The following CSMD1 variants were observed in gnomAD, a reference collection of about 807,000 sequenced individuals.
CSMD1 encodes the protein CUB and Sushi multiple domains 1, also known as CUB and sushi domain-containing protein 1.
Under a neutral mutation model 417.5 loss-of-function variants are expected in CSMD1, and 213 were observed. The ratio of observed to expected loss-of-function variants is 0.51; its 90% CI spans 0.46 to 0.57. CSMD1 has a LOEUF of 0.57. Ranked by LOEUF, CSMD1 falls within the 20% of genes least tolerant of loss-of-function variation. The pLI is 0.00. For synonymous variants in CSMD1, 2,862 were observed against 1,736.8 expected (o/e 1.65, Z -16.11); for missense variants, 6,923 against 4,529.7 (o/e 1.53, Z -15.17).
intron 7 of CSMD1, among the ~76,000 whole-genome samples, chr8:3,653,734 C>G (rs1045731025): frequency 6.6e-6 from 1 of 152,140 alleles, no homozygotes; most frequent in African/African-American, 2.4e-5. Context: ...AGTGAAGGAC[C>G]GGCCACATCG....
chr8:4,159,841 G>A (rs1374424413), intron 3 of CSMD1, among the ~76,000 whole-genome samples: 3 of 152,116 alleles, frequency 2.0e-5, no homozygotes, highest in African/African-American at 4.8e-5. Flanking sequence ...ACTCTGGAAT[G>A]GAAAACTAAA....
At chr8:4,333,231 C>T (rs13268424) in intron 3 of CSMD1, among the ~76,000 whole-genome samples, 66,818 of 151,936 alleles carry the variant, frequency 0.44, 19,105 homozygotes, top group African/African-American at 0.82. Flanking sequence ...CACACCCTGC[C>T]TAGTGACCCT....
At chr8:4,505,301 C>T (rs17415676) in intron 2 of CSMD1, among the ~76,000 whole-genome samples, 80,918 of 151,836 alleles carry the variant, frequency 0.53, 21,665 homozygotes, top group Admixed American at 0.59. Context: ...AAATCACCAA[C>T]GAGGTAAAAG....
intron 50 of CSMD1, among the ~76,000 whole-genome samples, chr8:3,038,816 C>G (rs1810875259): frequency 6.6e-6 from 1 of 152,114 alleles, no homozygotes; most frequent in Non-Finnish European, 1.5e-5. Context: ...ATGAAGACGA[C>G]CTTAAACCTT....
chr8:3,501,061 A>T (rs1796579925), intron 10 of CSMD1, among the ~76,000 whole-genome samples: 1 of 152,232 alleles, frequency 6.6e-6, no homozygotes, highest in Non-Finnish European at 1.5e-5. Context: ...AACAAAATGA[A>T]AAGATTTCCC....
intron 3 of CSMD1, among the ~76,000 whole-genome samples, chr8:4,370,278 C>A (rs1802322439): frequency 6.6e-6 from 1 of 151,806 alleles, no homozygotes. Flanking sequence ...CCCAGTCTTT[C>A]CCAGTTTGTA....
At chr8:3,983,147 T>C (rs1305227051) in intron 5 of CSMD1, among the ~76,000 whole-genome samples, 2 of 150,410 alleles carry the variant, frequency 1.3e-5, no homozygotes, top group Non-Finnish European at 3.0e-5. Flanking sequence ...TTTTTTTTTT[T>C]TGAGACGGAC....
intron 11 of CSMD1, among the ~76,000 whole-genome samples, chr8:3,488,080 C>G (rs944243846): frequency 2.3e-5 from 3 of 128,996 alleles, no homozygotes; most frequent in African/African-American, 9.0e-5. Context: ...TGTTTAGAAA[C>G]TCATAGTATT....
At chr8:4,069,478 A>G (rs1240893026) in intron 3 of CSMD1, among the ~76,000 whole-genome samples, 1 of 152,150 alleles carries the variant, frequency 6.6e-6, no homozygotes, top group African/African-American at 2.4e-5. Flanking sequence ...TATTATCTCT[A>G]GGTAAGTAAA....
At chr8:4,317,516 C>T (rs1020780972) in intron 3 of CSMD1, among the ~76,000 whole-genome samples, 4 of 152,122 alleles carry the variant, frequency 2.6e-5, no homozygotes, top group African/African-American at 9.7e-5. Flanking sequence ...AGGTAAGTGA[C>T]TTTTCTTGGC....
At chr8:4,155,058 G>C (rs756558782) in intron 3 of CSMD1, among the ~76,000 whole-genome samples, 7 of 152,178 alleles carry the variant, frequency 4.6e-5, no homozygotes, top group Non-Finnish European at 1.0e-4. Flanking sequence ...AATTTGTCCT[G>C]TTCCAGGCCC....
chr8:3,520,796 G>A (rs1019589358), intron 10 of CSMD1, among the ~76,000 whole-genome samples: 4 of 151,978 alleles, frequency 2.6e-5, no homozygotes, highest in African/African-American at 9.7e-5. Flanking sequence ...CACCACATCT[G>A]TAGAGGAAAT....
At chr8:3,691,322 G>A (rs532602486) in intron 7 of CSMD1, among the ~76,000 whole-genome samples, 9 of 151,854 alleles carry the variant, frequency 5.9e-5, no homozygotes, top group South Asian at 2.1e-4. Context: ...AGCCGGGATC[G>A]TGCCACTGCA....
At chr8:3,293,913 A>C (rs1477081032) in intron 25 of CSMD1, among the ~76,000 whole-genome samples, 1 of 152,020 alleles carries the variant, frequency 6.6e-6, no homozygotes, top group African/African-American at 2.4e-5. Context: ...TCTGATTTTT[A>C]GTTTGCAGTT....
At position 3,212,342 on chromosome 8, in the gene CSMD1, C is replaced by T. The variant is rs564423729; in HGVS notation, c.4867+2155G>A. 1.4e-4 allele frequency among the ~76,000 whole-genome samples: 21 copies of T among 152,174 alleles called. 1 individual carries two copies. The highest frequency in any genetic ancestry group is 3.4e-3 in the Middle Eastern group (1 of 294). ...TGATGCATAACCTGGCCTATGATCACGATTTTAAAACACAAAAAATAACGT... is the reference window on the plus strand; with the variant it reads ...TGATGCATAACCTGGCCTATGATCATGATTTTAAAACACAAAAAATAACGT... On this transcript the variant is annotated intron_variant, in intron 30 of 69. Transcript: ENST00000635120.
At chr8:3,320,626 C>G (rs1806089780) in intron 23 of CSMD1, among the ~76,000 whole-genome samples, 1 of 152,124 alleles carries the variant, frequency 6.6e-6, no homozygotes, top group African/African-American at 2.4e-5. Flanking sequence ...AGAGAAGTGA[C>G]AGCCTCAACT....
intron 1 of CSMD1, among the ~76,000 whole-genome samples, chr8:4,961,031 T>C (rs1424416649): frequency 1.3e-5 from 2 of 152,052 alleles, no homozygotes; most frequent in Non-Finnish European, 2.9e-5. Flanking sequence ...AGAAAGATTC[T>C]TCCTCTTCTC....
At chr8:4,156,263 A>G (rs567155766) in intron 3 of CSMD1, among the ~76,000 whole-genome samples, 5 of 152,148 alleles carry the variant, frequency 3.3e-5, no homozygotes, top group African/African-American at 4.8e-5. Flanking sequence ...CTTTTTAATT[A>G]TGGCTAAAGA....
intron 48 of CSMD1, among the ~76,000 whole-genome samples, chr8:3,088,286 G>A (rs1480816574): frequency 6.6e-6 from 1 of 152,198 alleles, no homozygotes; most frequent in African/African-American, 2.4e-5. Flanking sequence ...TGCATAAGGC[G>A]AGGTCACTAC....
Sources: allele counts gnomAD v4.1 joint callset (sites outside exome capture counted in the v4.1 genomes callset), GRCh38; gene constraint gnomAD v4.1.1; transcripts MANE v1.5; gene names NCBI Gene and HGNC (gene_info 2026-07-23, HGNC 2026-07-21).